CDK14: variants seen among roughly 807,000 people sequenced by gnomAD.
CDK14 encodes cyclin-dependent kinase 14.
In CDK14, 34 loss-of-function variants were observed where a neutral mutation model predicts 60.7. The ratio of observed to expected loss-of-function variants is 0.56; its 90% CI spans 0.43 to 0.75. The LOEUF (loss-of-function observed/expected upper bound fraction) is 0.75. Among genes scored for constraint, CDK14 ranks in the 30% least tolerant of loss-of-function variants. The probability of loss-of-function intolerance (pLI) is 0.00; values close to 1 mark genes in which losing one functional copy is unlikely to be tolerated. For missense variants in CDK14, 482 were observed against 564.1 expected, an observed-to-expected ratio of 0.85 and a Z score of 1.47; for synonymous variants, 197 against 203.7, an observed-to-expected ratio of 0.97 and a Z score of 0.28.
At chr7:90,728,167 CT>C (rs59236853) in intron 3 of CDK14, among the ~76,000 whole-genome samples, 1 of 151,964 alleles carries the variant, frequency 6.6e-6, no homozygotes, top group East Asian at 1.9e-4. Flanking sequence ...CCTTTATCTG[CT>C]TTTTTGTTTG....
intron 14 of CDK14, among the ~76,000 whole-genome samples, chr7:91,163,257 C>G (rs1801225380): frequency 6.6e-6 from 1 of 152,194 alleles, no homozygotes; most frequent in Non-Finnish European, 1.5e-5. Flanking sequence ...CTATTCTGTG[C>G]TATTCATGTC....
At chr7:90,609,740 GA>G (rs1482005363) in intron 2 of CDK14, among the ~76,000 whole-genome samples, 2 of 152,144 alleles carry the variant, frequency 1.3e-5, no homozygotes. Flanking sequence ...ATAGCAATGT[GA>G]AAATGGACTA....
chr7:90,670,106 A>C (rs73216900), intron 2 of CDK14, among the ~76,000 whole-genome samples: 2 of 152,248 alleles, frequency 1.3e-5, no homozygotes, highest in East Asian at 3.8e-4. Flanking sequence ...TGGTATGACT[A>C]TACCATGGCA....
chr7:90,696,075 G>A (rs768415523), intron 2 of CDK14, among the ~76,000 whole-genome samples: 21 of 152,178 alleles, frequency 1.4e-4, no homozygotes, highest in Admixed American at 2.6e-4. Flanking sequence ...TGTGTTGGTC[G>A]CCTGTATTAG....
intron 6 of CDK14, among the ~76,000 whole-genome samples, chr7:90,873,695 A>G (rs552031667): frequency 2.0e-5 from 3 of 152,252 alleles, no homozygotes; most frequent in Admixed American, 1.3e-4. Context: ...TTTACCTTCA[A>G]CTTTCCACTT....
intron 2 of CDK14, among the ~76,000 whole-genome samples, chr7:90,626,766 C>G (rs962572600): frequency 6.6e-6 from 1 of 151,990 alleles, no homozygotes; most frequent in African/African-American, 2.4e-5. Context: ...ATAGTGAAAC[C>G]TCATCTCTAC....
intron 14 of CDK14, among the ~76,000 whole-genome samples, chr7:91,187,370 A>G (rs1305819496): frequency 6.6e-6 from 1 of 152,218 alleles, no homozygotes; most frequent in Non-Finnish European, 1.5e-5. Flanking sequence ...ACTTCTTCCA[A>G]ACATTTCTGA....
intron 2 of CDK14, among the ~76,000 whole-genome samples, chr7:90,701,496 T>G (rs1801786020): frequency 1.3e-5 from 2 of 152,186 alleles, no homozygotes; most frequent in Non-Finnish European, 1.5e-5. Flanking sequence ...TGTAAAAACC[T>G]TGACTGCTAT....
intron 5 of CDK14, among the ~76,000 whole-genome samples, chr7:90,860,420 C>T (rs551471981): frequency 2.0e-5 from 3 of 151,768 alleles, no homozygotes; most frequent in East Asian, 3.9e-4. Context: ...TGCCCAGTCA[C>T]GTCTTTTGTG....
At chr7:90,950,254 T>G (rs1794217382) in intron 8 of CDK14, among the ~76,000 whole-genome samples, 2 of 152,134 alleles carry the variant, frequency 1.3e-5, no homozygotes, top group African/African-American at 4.8e-5. Context: ...TTTTTTATTT[T>G]CAATAGACAC....
chr7:90,836,772 A>G (rs929442632), intron 5 of CDK14, among the ~76,000 whole-genome samples: 10 of 152,240 alleles, frequency 6.6e-5, no homozygotes, highest in African/African-American at 1.9e-4. Flanking sequence ...GCATCACACA[A>G]ACACAGGAGT....
chr7:91,053,003 C>CA (rs60820492), intron 11 of CDK14, among the ~76,000 whole-genome samples: 129 of 144,906 alleles, frequency 8.9e-4, no homozygotes, highest in Admixed American at 3.5e-3. Context: ...TGTAATGAGG[C>CA]AAAAAAAAAA....
chr7:90,642,025 C>T (rs1382388901), intron 2 of CDK14, among the ~76,000 whole-genome samples: 2 of 152,124 alleles, frequency 1.3e-5, no homozygotes, highest in African/African-American at 4.8e-5. Flanking sequence ...AACCTGCCTC[C>T]CTGATTCAGT....
rs370475004 is a variant in CDK14 at position 90,712,314 on chromosome 7, C to T, written c.124-14253C>T. Among the ~76,000 whole-genome samples, 6 of 152,040 alleles carry T rather than the reference C, an allele frequency of 3.9e-5. No individual in the cohort carries two copies. In the East Asian group the frequency reaches 7.7e-4, roughly 20 times the overall value. ...ATAGTAACTCCCCATTCCCCTTCCC[C>T]CTGCCCCTGGTAATCTTATTCTACT... On this transcript the variant is annotated intron_variant, in intron 2 of 14. Transcript: ENST00000380050.
chr7:90,925,720 A>G (rs1469264832), intron 8 of CDK14, among the ~76,000 whole-genome samples: 1 of 151,036 alleles, frequency 6.6e-6, no homozygotes, highest in East Asian at 2.0e-4. Flanking sequence ...AAATAAATAA[A>G]TAATGACATG....
At chr7:90,957,718 G>T (rs1794472501) in intron 9 of CDK14, among the ~76,000 whole-genome samples, 1 of 152,092 alleles carries the variant, frequency 6.6e-6, no homozygotes, top group African/African-American at 2.4e-5. Flanking sequence ...CAAACAAACG[G>T]AAGAACATTC....
At chr7:90,608,955 T>G (rs1799479460) in intron 2 of CDK14, among the ~76,000 whole-genome samples, 1 of 152,222 alleles carries the variant, frequency 6.6e-6, no homozygotes, top group Non-Finnish European at 1.5e-5. Context: ...ACAATGATAT[T>G]GGCTTCTAGT....
intron 10 of CDK14, among the ~76,000 whole-genome samples, chr7:91,001,972 A>G (rs1192291932): frequency 6.6e-6 from 1 of 152,212 alleles, no homozygotes; most frequent in Non-Finnish European, 1.5e-5. Flanking sequence ...AAGTATGTCA[A>G]GTTTATTTAA....
intron 14 of CDK14, among the ~76,000 whole-genome samples, chr7:91,121,080 T>C (rs540212031): frequency 6.6e-6 from 1 of 152,342 alleles, no homozygotes; most frequent in East Asian, 1.9e-4. Flanking sequence ...TGGCCTATTA[T>C]ATCTTGTGGA....
Sources: allele counts gnomAD v4.1 joint callset (sites outside exome capture counted in the v4.1 genomes callset), GRCh38; gene constraint gnomAD v4.1.1; transcripts MANE v1.5; gene names NCBI Gene and HGNC (gene_info 2026-07-23, HGNC 2026-07-21).